Variants in SHISA6 observed in about 807,000 individuals in gnomAD.
SHISA6 encodes the protein shisa family member 6, also known as protein shisa-6.
SHISA6 carries 22 observed loss-of-function variants against 47.9 expected under a neutral mutation model. That is an observed-to-expected ratio of 0.46 (90% CI 0.33 to 0.66). The LOEUF (loss-of-function observed/expected upper bound fraction) is 0.66. Ranked by LOEUF, SHISA6 falls within the 30% of genes least tolerant of loss-of-function variation. The probability of loss-of-function intolerance (pLI) is 0.02; values close to 1 mark genes in which losing one functional copy is unlikely to be tolerated. For missense variants in SHISA6, 680 were observed against 764.6 expected (o/e 0.89, Z 1.30); for synonymous variants, 388 against 337.8 (o/e 1.15, Z -1.63).
chr17:11,242,025 G>A lies in SHISA6; in HGVS notation c.603G>A (p.Lys201=). The A allele has an allele frequency of 6.4e-7, 1 of 1,550,910 alleles. No individual in the cohort carries two copies. Among genetic ancestry groups the A allele is most frequent in the Non-Finnish European group, 8.7e-7 (1 of 1,147,006 alleles). Residue 201 remains lysine (K), a synonymous_variant, in exon 1 of 6, where the codon AAG becomes AAA. Coordinates refer to ENST00000441885, the MANE Select transcript of SHISA6 (RefSeq NM_207386.4). ...AGVFAKVSYD[K]AHRPPREMNI... ...TCTTCGCCAAGGTCTCCTACGACAA[G>A]GCCCACCGCCCTCCACGGGAGATGA...
intron 2 of SHISA6, among the ~76,000 whole-genome samples, chr17:11,267,146 A>T (rs1428817559): frequency 6.6e-6 from 1 of 152,200 alleles, no homozygotes; most frequent in Non-Finnish European, 1.5e-5. Flanking sequence ...TCCAGGAAGC[A>T]GCTTTCCAAC....
intron 3 of SHISA6, among the ~76,000 whole-genome samples, chr17:11,456,036 T>C (rs1915525298): frequency 6.6e-6 from 1 of 152,196 alleles, no homozygotes; most frequent in African/African-American, 2.4e-5. Flanking sequence ...TTTAAAATTG[T>C]CATGGTTAGA....
chr17:11,503,896 A>G (rs1406945934), intron 3 of SHISA6, among the ~76,000 whole-genome samples: 1 of 152,126 alleles, frequency 6.6e-6, no homozygotes, highest in Non-Finnish European at 1.5e-5. Flanking sequence ...CAAGTGTGTT[A>G]ATGTGTATGC....
chr17:11,368,949 C>T (rs1407561351), intron 2 of SHISA6, among the ~76,000 whole-genome samples: 2 of 152,200 alleles, frequency 1.3e-5, no homozygotes, highest in Non-Finnish European at 2.9e-5. Flanking sequence ...GCCACCGAAC[C>T]CGGCCGAATT....
intron 3 of SHISA6, among the ~76,000 whole-genome samples, chr17:11,505,614 A>G (rs998295107): frequency 1.1e-4 from 17 of 152,368 alleles, no homozygotes; most frequent in Non-Finnish European, 2.2e-4. Flanking sequence ...GAGCTTTGGC[A>G]TGGATTGCAG....
chr17:11,538,067 G>T (rs542452853), intron 3 of SHISA6, among the ~76,000 whole-genome samples: 1 of 152,202 alleles, frequency 6.6e-6, no homozygotes, highest in African/African-American at 2.4e-5. Flanking sequence ...TGTTGTTATT[G>T]TTGTTGTTTT....
Position 11,241,545 on chromosome 17 carries a change from C to G in SHISA6, c.123C>G (p.Ala41=). Residue 41 remains alanine, a synonymous_variant, in exon 1 of 6, where the codon GCC becomes GCG. Coordinates refer to ENST00000441885, the MANE Select transcript of SHISA6 (RefSeq NM_207386.4). This position sits in a 1 kb window ranked among gnomAD's most constrained non-coding sequence, Gnocchi z 5.5. ...ANRTLSAGGA[A]VGGRRAGGAL... ...GGACCCTGAGTGCAGGCGGCGCTGC[C>G]GTCGGGGGCCGGAGGGCCGGGGGCG... 1 of 1,084,428 alleles carries G rather than the reference C, an allele frequency of 9.2e-7. No individual in the cohort carries two copies. The highest frequency in any genetic ancestry group is 5.4e-5 in the Admixed American group (1 of 18,638). 67.2% of individuals were successfully genotyped at this position (1,084,428 alleles called of 1,614,324 possible).
chr17:11,384,181 A>G (rs755013796), intron 3 of SHISA6, among the ~76,000 whole-genome samples: 6 of 152,122 alleles, frequency 3.9e-5, no homozygotes, highest in African/African-American at 9.7e-5. Flanking sequence ...TTTATTCCCA[A>G]TCCAGGCCTG....
At chr17:11,458,272 T>C (rs775582254) in intron 3 of SHISA6, among the ~76,000 whole-genome samples, 7 of 152,156 alleles carry the variant, frequency 4.6e-5, no homozygotes, top group Non-Finnish European at 8.8e-5. Context: ...CTGCCTATTG[T>C]GATGTTACCT....
chr17:11,327,411 T>A (rs1417556055), intron 2 of SHISA6, among the ~76,000 whole-genome samples: 1 of 152,324 alleles, frequency 6.6e-6, no homozygotes, highest in South Asian at 2.1e-4. Context: ...AATATTCTCT[T>A]GTGGTTAGCT....
intron 1 of SHISA6, among the ~76,000 whole-genome samples, chr17:11,253,256 C>T (rs570692431): frequency 1.3e-5 from 2 of 152,020 alleles, no homozygotes; most frequent in Admixed American, 6.6e-5. Flanking sequence ...TTCATTAAGC[C>T]GCATCGATTT....
chr17:11,334,767 GA>G (rs1416864910), intron 2 of SHISA6, among the ~76,000 whole-genome samples: 1 of 152,182 alleles, frequency 6.6e-6, no homozygotes, highest in East Asian at 1.9e-4. Context: ...GGTGTGGATG[GA>G]ATACTGGCCT....
intron 3 of SHISA6, among the ~76,000 whole-genome samples, chr17:11,550,384 C>A (rs1040764107): frequency 2.0e-5 from 3 of 152,064 alleles, no homozygotes; most frequent in African/African-American, 7.2e-5. Context: ...AGAGTTCAGC[C>A]TTCACCAAGG....
At chr17:11,268,141 A>G (rs1208321266) in intron 2 of SHISA6, among the ~76,000 whole-genome samples, 1 of 152,200 alleles carries the variant, frequency 6.6e-6, no homozygotes, top group Non-Finnish European at 1.5e-5. Flanking sequence ...ACTTCACTTT[A>G]TCAAGAGTGA....
At position 11,242,071 on chromosome 17, in the gene SHISA6, C is replaced by T. The variant is rs1907385166; in HGVS notation, c.638+11C>T. ...GATGAACATCCACAGGTGAGAGCGC[C>T]GCGTGCCGCGCGCCCCGGTCTCCCC... is the stretch of plus-strand genomic sequence containing the variant. On this transcript the variant is annotated intron_variant, in intron 1 of 5. Coordinates refer to ENST00000441885, the MANE Select transcript of SHISA6 (RefSeq NM_207386.4). The T allele has an allele frequency of 6.5e-7, 1 of 1,549,336 alleles. No individual in the cohort carries two copies. Among genetic ancestry groups the T allele is most frequent in the Non-Finnish European group, 8.7e-7 (1 of 1,146,980 alleles).
intron 2 of SHISA6, among the ~76,000 whole-genome samples, chr17:11,301,007 C>T (rs756641884): frequency 5.3e-5 from 8 of 152,066 alleles, no homozygotes; most frequent in African/African-American, 9.7e-5. Flanking sequence ...AAGGGAAACA[C>T]GTTTAAAGAG....
At chr17:11,410,696 G>C (rs1016516703) in intron 3 of SHISA6, among the ~76,000 whole-genome samples, 1 of 152,110 alleles carries the variant, frequency 6.6e-6, no homozygotes, top group African/African-American at 2.4e-5. Context: ...CTGGCTCCAG[G>C]AATAGTTCAA....
intron 1 of SHISA6, among the ~76,000 whole-genome samples, chr17:11,252,122 C>A (rs889410118): frequency 6.6e-6 from 1 of 152,124 alleles, no homozygotes; most frequent in Non-Finnish European, 1.5e-5. Context: ...AACACTTGGA[C>A]CCCTCCTTGC....
intron 3 of SHISA6, among the ~76,000 whole-genome samples, chr17:11,387,511 A>G (rs1913237059): frequency 6.6e-6 from 1 of 151,954 alleles, no homozygotes; most frequent in Admixed American, 6.6e-5. Context: ...GCTATATCTG[A>G]CTCTGAGAAG....
Sources: allele counts gnomAD v4.1 joint callset (sites outside exome capture counted in the v4.1 genomes callset), GRCh38; gene constraint gnomAD v4.1.1; non-coding constraint Gnocchi (gnomAD v3.1); transcripts MANE v1.5; gene names NCBI Gene and HGNC (gene_info 2026-07-23, HGNC 2026-07-21).